FMNL3: variants seen among roughly 807,000 people sequenced by gnomAD.
The protein encoded by FMNL3 is formin-like protein 3.
Under a neutral mutation model 119.6 loss-of-function variants are expected in FMNL3, and 57 were observed. The ratio of observed to expected loss-of-function variants is 0.48; its 90% CI spans 0.39 to 0.59. The LOEUF is 0.59. FMNL3 is among the 20% of genes least tolerant of loss of function. The probability of loss-of-function intolerance (pLI) is 0.00; values close to 1 mark genes in which losing one functional copy is unlikely to be tolerated. For synonymous variants in FMNL3, 491 were observed against 507.3 expected, an observed-to-expected ratio of 0.97 and a Z score of 0.43; for missense variants, 1,053 against 1,323.5, an observed-to-expected ratio of 0.80 and a Z score of 3.17.
intron 1 of FMNL3, among the ~76,000 whole-genome samples, chr12:49,686,858 G>C (rs936081199): frequency 2.0e-5 from 3 of 152,254 alleles, no homozygotes; most frequent in Admixed American, 2.0e-4. Context: ...GAGCCAGGAA[G>C]AATCAACCAC....
chr12:49,692,972 T>C (rs779987718), intron 1 of FMNL3, among the ~76,000 whole-genome samples: 24 of 152,096 alleles, frequency 1.6e-4, no homozygotes, highest in Non-Finnish European at 1.5e-4. Flanking sequence ...GATCCTGAGA[T>C]AGAAAGGAGC....
Position 49,645,908 on chromosome 12 carries a change from G to C in FMNL3, c.2996-5C>G, listed in dbSNP as rs1208852398. 1 of 1,611,386 alleles carries C rather than the reference G, an allele frequency of 6.2e-7. No individual in the cohort carries two copies. The highest frequency in any genetic ancestry group is 1.7e-5 in the Admixed American group (1 of 59,718). On this transcript the variant is annotated splice_polypyrimidine_tract_variant and splice_region_variant and intron_variant, in intron 25 of 25. Coordinates refer to ENST00000335154, the MANE Select transcript of FMNL3 (RefSeq NM_175736.5). ...CCATAGGCTGGCAGTGGAGGCCTGTGGGGGAAGAGAGAGACCTGTGAACAG... is the reference window on the plus strand; with the variant it reads ...CCATAGGCTGGCAGTGGAGGCCTGTCGGGGAAGAGAGAGACCTGTGAACAG...
At position 49,642,662 on chromosome 12, in the gene FMNL3, T is replaced by C. The variant is rs1329759421; in HGVS notation, c.*3153A>G. 1 of 1,614,074 alleles carries C rather than the reference T, an allele frequency of 6.2e-7. No homozygotes were observed. Among genetic ancestry groups the C allele is most frequent in the African/African-American group, 1.3e-5 (1 of 75,060 alleles). On this transcript the variant is annotated 3_prime_UTR_variant, in exon 26 of 26. Coordinates refer to ENST00000335154, the MANE Select transcript of FMNL3 (RefSeq NM_175736.5). This position sits in a 1 kb window ranked among gnomAD's most constrained non-coding sequence, Gnocchi z 5.8. ...CGGATCCGGCTCTTCCGGGAGTTCC[T>C]ACAGGTGCTGGAGGTGAGGCAGGCT...
intron 1 of FMNL3, among the ~76,000 whole-genome samples, chr12:49,676,461 GA>G (rs1263945452): frequency 6.8e-6 from 1 of 147,894 alleles, no homozygotes; most frequent in African/African-American, 2.5e-5. Context: ...TAACAAGAGA[GA>G]AAATACCAGG....
chr12:49,693,031 C>T (rs1944647655), intron 1 of FMNL3, among the ~76,000 whole-genome samples: 1 of 152,020 alleles, frequency 6.6e-6, no homozygotes, highest in Admixed American at 6.6e-5. Flanking sequence ...AACAGGAGGG[C>T]AATAAGGTTA....
intron 1 of FMNL3, among the ~76,000 whole-genome samples, chr12:49,684,849 G>T (rs73306808): frequency 0.21 from 32,491 of 152,142 alleles, 5,788 homozygotes; most frequent in African/African-American, 0.5. Flanking sequence ...GCTTATATGA[G>T]GTTGATTCTG....
rs1942724156 is a variant in FMNL3 at position 49,641,944 on chromosome 12, G to A, written c.*3871C>T. 1.2e-6 allele frequency: 2 copies of A among 1,613,744 alleles called. No individual in the cohort carries two copies. The highest frequency in any genetic ancestry group is 1.7e-5 in the Admixed American group (1 of 60,010). On this transcript the variant is annotated 3_prime_UTR_variant, in exon 26 of 26. Coordinates refer to ENST00000335154, the MANE Select transcript of FMNL3 (RefSeq NM_175736.5). ...CTGCGTGGAGGTGAACACGGCCTTT[G>A]AGGACTTCGCCCACGTCATAAGCTT...
intron 1 of FMNL3, among the ~76,000 whole-genome samples, chr12:49,679,223 C>T (rs1455395965): frequency 2.6e-5 from 4 of 152,208 alleles, no homozygotes; most frequent in African/African-American, 9.6e-5. Context: ...TGCCCCGCAT[C>T]ACAAAGCAAG....
Position 49,642,674 on chromosome 12 carries a change from A to T in FMNL3, c.*3141T>A. The T allele has an allele frequency of 6.2e-7, 1 of 1,613,598 alleles. No individual in the cohort carries two copies. Among genetic ancestry groups the T allele is most frequent in the Non-Finnish European group, 8.5e-7 (1 of 1,179,818 alleles). On this transcript the variant is annotated 3_prime_UTR_variant, in exon 26 of 26. Coordinates refer to ENST00000335154, the MANE Select transcript of FMNL3 (RefSeq NM_175736.5). This position sits in a 1 kb window ranked among gnomAD's most constrained non-coding sequence, Gnocchi z 5.8. ...TTCCGGGAGTTCCTACAGGTGCTGGAGGTGAGGCAGGCTTGTCCTCTGGAT... is the reference window on the plus strand; with the variant it reads ...TTCCGGGAGTTCCTACAGGTGCTGGTGGTGAGGCAGGCTTGTCCTCTGGAT...
Position 49,643,288 on chromosome 12 carries a change from G to A in FMNL3, c.*2527C>T, listed in dbSNP as rs115544158. On this transcript the variant is annotated 3_prime_UTR_variant, in exon 26 of 26. Coordinates refer to ENST00000335154, the MANE Select transcript of FMNL3 (RefSeq NM_175736.5). ...TCCGGCCCCCCAAGCGGAGGAGGCG[G>A]AACCCCTCAGAGTCAGGCTCTGAGC... 28,491 of 1,613,620 alleles carry A rather than the reference G, an allele frequency of 0.018. 288 individuals are homozygous for A. Among genetic ancestry groups the A allele is most frequent in the Non-Finnish European group, 0.02 (24,038 of 1,179,860 alleles).
chr12:49,644,201 G>C lies in FMNL3; in HGVS notation c.*1614C>G, dbSNP rs776349730. 2.5e-6 allele frequency: 4 copies of C among 1,613,988 alleles called. No homozygotes were observed. Among genetic ancestry groups the C allele is most frequent in the Admixed American group, 3.3e-5 (2 of 60,028 alleles). ...TGGATGATCACCAGTGACCCAATGA[G>C]CTGTTCTCTGCCTCGGGTCTGTGTG... On this transcript the variant is annotated 3_prime_UTR_variant, in exon 26 of 26. Transcript: ENST00000335154.
chr12:49,700,679 C>G (rs1944883166), intron 1 of FMNL3, among the ~76,000 whole-genome samples: 1 of 137,328 alleles, frequency 7.3e-6, no homozygotes, highest in Non-Finnish European at 1.5e-5. Context: ...CGCACCATTG[C>G]ACTCCAACCT....
At chr12:49,704,780 G>A (rs1945003454) in intron 1 of FMNL3, among the ~76,000 whole-genome samples, 1 of 149,340 alleles carries the variant, frequency 6.7e-6, no homozygotes, top group Non-Finnish European at 1.5e-5. Flanking sequence ...TGGGTGCCAA[G>A]CACCTTATAT....
At position 49,655,098 on chromosome 12, in the gene FMNL3, A is replaced by C. The variant is rs535138784; in HGVS notation, c.886-114T>G. 154 of 907,334 alleles carry C rather than the reference A, an allele frequency of 1.7e-4. 1 individual carries two copies. Among genetic ancestry groups the C allele is most frequent in the Middle Eastern group, 1.2e-3 (5 of 4,114 alleles). 56.2% of individuals were successfully genotyped at this position (907,334 alleles called of 1,614,324 possible). ...GGACTGGTTCAGACCAAGCTTAACC[A>C]CAGCTCTATATATGAAATAGGCCAT... On this transcript the variant is annotated intron_variant, in intron 9 of 25. Transcript: ENST00000335154.
chr12:49,692,767 GCAT>G (rs943990453), intron 1 of FMNL3, among the ~76,000 whole-genome samples: 6 of 152,106 alleles, frequency 3.9e-5, no homozygotes, highest in Admixed American at 1.3e-4. Flanking sequence ...TCTGGGAGAT[GCAT>G]AATAAACAAG....
In FMNL3 at chr12:49,654,205, T is replaced by C. The variant is rs1943499542; in HGVS notation, c.1058A>G (p.Glu353Gly). 8 of 1,613,978 alleles carry C rather than the reference T, an allele frequency of 5.0e-6. No individual in the cohort carries two copies. Among genetic ancestry groups the C allele is most frequent in the African/African-American group, 1.3e-5 (1 of 74,902 alleles). ...LQYEFTKLGL[E>G]EFLQKSRHTE... ...CAGCCAGCTCACCTGCAGGAACTCC[T>C]CTAGCCCCAGCTTGGTAAACTCATA... Residue 353 changes from glutamate to glycine, a missense_variant, in exon 11 of 26, where the codon GAG (glutamate) becomes GGG (glycine). Physicochemically the swap from Glu to Gly is moderately conservative, Grantham distance 98. This residue lies in a region of FMNL3 where 445 missense variants were observed against 628.4 expected (regional missense o/e 0.71). Coordinates refer to ENST00000335154, the MANE Select transcript of FMNL3 (RefSeq NM_175736.5).
chr12:49,656,872 G>C lies in FMNL3; in HGVS notation c.742C>G (p.Pro248Ala), dbSNP rs751112664. The C allele has an allele frequency of 3.3e-5, 53 of 1,614,034 alleles. No homozygotes were observed. The highest frequency in any genetic ancestry group is 5.1e-6 in the Non-Finnish European group (6 of 1,180,002). Residue 248 changes from proline to alanine, a missense_variant, in exon 8 of 26, where the codon CCC becomes GCC. By Grantham distance (27) the Pro-to-Ala change is conservative (BLOSUM62 -1). Around this residue, in one of 4 missense-constraint regions of FMNL3, gnomAD observed 445 missense variants for 628.4 expected, o/e 0.71. Coordinates refer to ENST00000335154, the MANE Select transcript of FMNL3 (RefSeq NM_175736.5). ...QYGFNLVMSHPHAVNEIALSL... is the reference protein window; with the variant it reads ...QYGFNLVMSHAHAVNEIALSL... ...AGTGCAATCTCATTGACAGCATGGG[G>C]GTGGGACATGACCAGGTTGAATCCG...
In FMNL3 at chr12:49,654,885, G is replaced by A. The variant is rs768637758; in HGVS notation, c.960+25C>T. The A allele has an allele frequency of 8.7e-6, 14 of 1,610,448 alleles. No homozygotes were observed. The East Asian group carries it at 2.9e-4, about 33-fold the overall frequency. On this transcript the variant is annotated intron_variant, in intron 10 of 25. Transcript: ENST00000335154. ...ACACACACAGCCCTGGTGGGTATGTGCTGGACCCAGGCCCAGTTCCTCACC... is the reference window on the plus strand; with the variant it reads ...ACACACACAGCCCTGGTGGGTATGTACTGGACCCAGGCCCAGTTCCTCACC...
chr12:49,704,002 G>A (rs1944978066), intron 1 of FMNL3, among the ~76,000 whole-genome samples: 2 of 152,242 alleles, frequency 1.3e-5, no homozygotes, highest in South Asian at 4.1e-4. Flanking sequence ...GAACACAAGT[G>A]ATCTCAGATC....
Sources: gnomAD v4.1 joint callset for allele counts (sites outside exome capture counted in the v4.1 genomes callset) on GRCh38, gnomAD v4.1.1 for gene constraint, gnomAD v4.1.1 regional missense constraint, Gnocchi (gnomAD v3.1) non-coding constraint, MANE v1.5 for transcripts, NCBI Gene and HGNC (gene_info 2026-07-23, HGNC 2026-07-21) for gene names.